VRK2: variants seen among roughly 807,000 people sequenced by gnomAD.
The protein encoded by VRK2 is VRK serine/threonine kinase 2.
In VRK2, 60 loss-of-function variants were observed where a neutral mutation model predicts 57.6. That is an observed-to-expected ratio of 1.04 (90% CI 0.85 to 1.29). VRK2 has a LOEUF of 1.29. Ranked by LOEUF, VRK2 falls within the 50% of genes most tolerant of loss-of-function variation. The probability of loss-of-function intolerance (pLI) is 0.00; values close to 1 mark genes in which losing one functional copy is unlikely to be tolerated. For missense variants in VRK2, 705 were observed against 588.1 expected (o/e 1.20, Z -2.06); for synonymous variants, 231 against 199.2 (o/e 1.16, Z -1.35).
At chr2:58,151,600 A>G (rs1558707730) in intron 12 of VRK2, among the ~76,000 whole-genome samples, 1 of 151,548 alleles carries the variant, frequency 6.6e-6, no homozygotes, top group Non-Finnish European at 1.5e-5. Context: ...AACTATTGAT[A>G]TAGCTGGGTT....
At chr2:57,936,502 T>G (rs1347615739) in intron 1 of VRK2, among the ~76,000 whole-genome samples, 1 of 151,640 alleles carries the variant, frequency 6.6e-6, no homozygotes, top group African/African-American at 2.4e-5. Flanking sequence ...TTGCTTTCAT[T>G]TTTTTGTTTT....
Position 58,159,366 on chromosome 2 carries a change from A to G in VRK2, c.1200A>G (p.Arg400=), listed in dbSNP as rs1389436643. The G allele has an allele frequency of 6.2e-7, 1 of 1,607,488 alleles. No homozygotes were observed. The highest frequency in any genetic ancestry group is 1.7e-5 in the Admixed American group (1 of 58,522). Residue 400 remains arginine, a synonymous_variant, in exon 13 of 13, where the codon AGA becomes AGG. Transcript: ENST00000340157. ...TTCCATAGGAAAGCACAAGGAGAAGACAGAAATATCAAGAGTCTCAAGAAC... is the reference window on the plus strand; with the variant it reads ...TTCCATAGGAAAGCACAAGGAGAAGGCAGAAATATCAAGAGTCTCAAGAAC... ...NEAAQESTRR[R]QKYQESQEPL...
At chr2:58,044,001 A>AT (rs1674571334), upstream of VRK2, among the ~76,000 whole-genome samples, 1 of 152,232 alleles carries the variant, frequency 6.6e-6, no homozygotes, top group Non-Finnish European at 1.5e-5. Context: ...TTTAAAGATT[A>AT]TATAGAGTTT....
At chr2:57,946,928 G>C (rs768980168) in intron 1 of VRK2, among the ~76,000 whole-genome samples, 1 of 152,074 alleles carries the variant, frequency 6.6e-6, no homozygotes, top group Non-Finnish European at 1.5e-5. Flanking sequence ...GCAAATAATA[G>C]TGTCTGATCT....
intron 1 of VRK2, among the ~76,000 whole-genome samples, chr2:57,958,409 A>ATGTG (rs373932144): frequency 6.1e-5 from 9 of 148,558 alleles, no homozygotes; most frequent in Non-Finnish European, 9.0e-5. Flanking sequence ...ATATGTGTGT[A>ATGTG]TGTGTGTGTG....
At chr2:57,948,998 C>T (rs1012742745) in intron 1 of VRK2, among the ~76,000 whole-genome samples, 2 of 147,076 alleles carry the variant, frequency 1.4e-5, no homozygotes, top group African/African-American at 2.5e-5. Flanking sequence ...CATTGATGAC[C>T]CTATTGAGAA....
chr2:57,952,527 C>A (rs901983656), intron 1 of VRK2, among the ~76,000 whole-genome samples: 4 of 152,142 alleles, frequency 2.6e-5, no homozygotes, highest in African/African-American at 7.2e-5. Context: ...AAACATTTAA[C>A]AAATACTCTG....
At chr2:58,099,930 T>TA (rs2104332743) in intron 7 of VRK2, among the ~76,000 whole-genome samples, 1 of 152,154 alleles carries the variant, frequency 6.6e-6, no homozygotes, top group East Asian at 1.9e-4. Flanking sequence ...GAAAATGTGT[T>TA]CTCCAAATAC....
intron 2 of VRK2, among the ~76,000 whole-genome samples, chr2:58,073,487 G>T (rs929376841): frequency 6.6e-6 from 1 of 151,704 alleles, no homozygotes; most frequent in African/African-American, 2.4e-5. Context: ...TTAACATTCT[G>T]TTGGTAGTAT....
At chr2:58,097,527 T>C (rs1249355416) in intron 7 of VRK2, among the ~76,000 whole-genome samples, 2 of 152,172 alleles carry the variant, frequency 1.3e-5, no homozygotes, top group Non-Finnish European at 2.9e-5. Flanking sequence ...CTGTACTGTT[T>C]GGTTAAAAAT....
intron 1 of VRK2, among the ~76,000 whole-genome samples, chr2:58,012,548 CT>C (rs1673445924): frequency 6.6e-6 from 1 of 152,238 alleles, no homozygotes; most frequent in East Asian, 1.9e-4. Flanking sequence ...CTTCAGCCCT[CT>C]TCCCCTCTCC....
intron 7 of VRK2, among the ~76,000 whole-genome samples, chr2:58,119,850 A>G (rs1677153148): frequency 6.6e-6 from 1 of 151,790 alleles, no homozygotes; most frequent in South Asian, 2.1e-4. Context: ...ACTAGGAAAA[A>G]AAGGTTTATA....
chr2:57,978,635 CTT>C (rs1243598089), intron 1 of VRK2, among the ~76,000 whole-genome samples: 1 of 145,442 alleles, frequency 6.9e-6, no homozygotes. Context: ...GGCCAAGTAT[CTT>C]TTTTTTTTTA....
At chr2:58,120,246 A>G (rs1340033653) in intron 7 of VRK2, among the ~76,000 whole-genome samples, 5 of 121,278 alleles carry the variant, frequency 4.1e-5, no homozygotes, top group East Asian at 4.9e-4. Context: ...GCTGGAGTGC[A>G]GTGGCACAAT....
chr2:57,965,069 G>A (rs2104007227), intron 1 of VRK2, among the ~76,000 whole-genome samples: 1 of 152,172 alleles, frequency 6.6e-6, no homozygotes, highest in Non-Finnish European at 1.5e-5. Flanking sequence ...ATTGTAAACA[G>A]ATGCACCTAA....
chr2:57,909,157 GCTCT>G (rs1669912548), intron 1 of VRK2, among the ~76,000 whole-genome samples: 1 of 152,170 alleles, frequency 6.6e-6, no homozygotes, highest in Admixed American at 6.5e-5. Flanking sequence ...GCTCAAATAA[GCTCT>G]CTAACATTTT....
intron 7 of VRK2, among the ~76,000 whole-genome samples, chr2:58,108,156 C>T (rs1350303690): frequency 6.6e-6 from 1 of 152,100 alleles, no homozygotes; most frequent in African/African-American, 2.4e-5. Context: ...CCTCTTCTTA[C>T]TCTCTTTTTC....
At chr2:58,070,514 C>G (rs1028474484) in intron 2 of VRK2, among the ~76,000 whole-genome samples, 8 of 152,100 alleles carry the variant, frequency 5.3e-5, no homozygotes, top group Non-Finnish European at 1.0e-4. Context: ...TTCTCTTTCT[C>G]TTTTTACTGT....
At chr2:57,997,750 C>A (rs1022217293) in intron 1 of VRK2, among the ~76,000 whole-genome samples, 2 of 151,930 alleles carry the variant, frequency 1.3e-5, no homozygotes, top group Non-Finnish European at 2.9e-5. Context: ...AAAAATTAGC[C>A]AGGCAATGGT....
Sources: gnomAD v4.1 joint callset for allele counts (sites outside exome capture counted in the v4.1 genomes callset) on GRCh38, gnomAD v4.1.1 for gene constraint, MANE v1.5 for transcripts, NCBI Gene and HGNC (gene_info 2026-07-23, HGNC 2026-07-21) for gene names.